DLEC1: variants seen among roughly 807,000 people sequenced by gnomAD.
DLEC1 encodes the protein deleted in lung and esophageal cancer protein 1.
Under a neutral mutation model 198.1 loss-of-function variants are expected in DLEC1, and 146 were observed. The observed-to-expected ratio is 0.74, with a 90% CI of 0.64 to 0.85. The LOEUF is 0.85. Ranked by LOEUF, DLEC1 falls within the 40% of genes least tolerant of loss-of-function variation. The pLI is 0.00. For synonymous variants in DLEC1, 897 were observed against 866.8 expected (o/e 1.03, Z -0.61); for missense variants, 2,233 against 2,220.0 (o/e 1.01, Z -0.12).
At chr3:38,108,309 TC>T in intron 20 of DLEC1, 95 bp from the exon 21 acceptor site, 1 of 1,038,172 alleles carries the variant, frequency 9.6e-7, no homozygotes. Flanking sequence ...TCTGCCAGTC[TC>T]CAGCATTGCA....
In DLEC1 at chr3:38,116,455, A is replaced by G. The variant is rs1559464011; in HGVS notation, c.3859A>G (p.Ile1287Val). 3.7e-6 allele frequency: 6 copies of G among 1,614,060 alleles called. No homozygotes were observed. The highest frequency in any genetic ancestry group is 5.1e-6 in the Non-Finnish European group (6 of 1,179,974). ...CCTGCTCCACACATCTGCCCCAGAC[A>G]TCCGCCTGGATTGGGAGACCTATGT... The part of the protein sequence containing the change: ...LRLNNSSPCD[I>V]RLDWETYVPE... Residue 1287 changes from isoleucine to valine, a missense_variant and splice_region_variant, in exon 28 of 37, where the codon ATC (isoleucine) becomes GTC (valine). Physicochemically the swap from Ile to Val is conservative, Grantham distance 29. Coordinates refer to ENST00000308059, the MANE Select transcript of DLEC1 (RefSeq NM_007335.4).
Position 38,100,432 on chromosome 3 carries a change from G to A in DLEC1, c.2864+7G>A, listed in dbSNP as rs781722201. On this transcript the variant is annotated splice_region_variant and intron_variant, in intron 19 of 36. Transcript: ENST00000308059. ...TGGAAAATGGTGCCTGGAGGTAAGG[G>A]TGCCGTGGGAAGAGCCACTACAACA... The A allele has an allele frequency of 6.2e-7, 1 of 1,608,572 alleles. No homozygotes were observed. The highest frequency in any genetic ancestry group is 8.5e-7 in the Non-Finnish European group (1 of 1,177,864).
chr3:38,087,180 G>A (rs181195311), intron 9 of DLEC1, among the ~76,000 whole-genome samples: 2 of 152,188 alleles, frequency 1.3e-5, no homozygotes, highest in African/African-American at 2.4e-5. Flanking sequence ...GAGCCTGTTG[G>A]CCAGGGCTGG....
chr3:38,110,353 G>C (rs1160471182), intron 23 of DLEC1, 72 bp downstream of exon 23: 1 of 1,560,270 alleles, frequency 6.4e-7, no homozygotes, highest in Non-Finnish European at 8.7e-7. Flanking sequence ...GCCTCTGTGT[G>C]GCTTAGGTGG....
At chr3:38,073,072 G>A (rs1179429794) in intron 6 of DLEC1, among the ~76,000 whole-genome samples, 1 of 152,230 alleles carries the variant, frequency 6.6e-6, no homozygotes, top group Non-Finnish European at 1.5e-5. Context: ...TGGGACTGAT[G>A]GGTGACAGGG....
At position 38,117,551 on chromosome 3, in the gene DLEC1, C is replaced by A. The variant is rs138294854; in HGVS notation, c.4425C>A (p.Gly1475=). 3 of 1,614,144 alleles carry A rather than the reference C, an allele frequency of 1.9e-6. No individual in the cohort carries two copies. The highest frequency in any genetic ancestry group is 2.5e-6 in the Non-Finnish European group (3 of 1,180,002). The stretch of plus-strand genomic sequence containing the variant: ...GGCTAAGTGTGGAGCTGGACTACGG[C>A]GGCAGTATGGAATTCCAGTGCCAGG... ...PAQLSVELDY[G]GSMEFQCQAS... Residue 1475 remains glycine, a synonymous_variant, in exon 32 of 37, where the codon GGC becomes GGA. Coordinates refer to ENST00000308059, the MANE Select transcript of DLEC1 (RefSeq NM_007335.4).
chr3:38,117,920 A>G lies in DLEC1; in HGVS notation c.4600A>G (p.Ser1534Gly). The G allele has an allele frequency of 6.2e-7, 1 of 1,614,176 alleles. No individual in the cohort carries two copies. Among genetic ancestry groups the G allele is most frequent in the Non-Finnish European group, 8.5e-7 (1 of 1,180,018 alleles). The stretch of plus-strand genomic sequence containing the variant: ...CTTCTCCGTTTCTCAAGATGGGGCG[A>G]GCCAGGACCACAGAGCTCCTGGCCC... ...RPFSVSQDGA[S>G]QDHRAPGPGQ... Residue 1534 changes from serine (S) to glycine (G), a missense_variant, in exon 33 of 37, where the codon AGC becomes GGC. Physicochemically the swap from Ser to Gly is moderately conservative, Grantham distance 56. Coordinates refer to ENST00000308059, the MANE Select transcript of DLEC1 (RefSeq NM_007335.4).
rs766434168 is a variant in DLEC1, at chr3:38,097,921, G to C, written c.2724+19G>C. 21 of 1,613,990 alleles carry C rather than the reference G, an allele frequency of 1.3e-5. No homozygotes were observed. The highest frequency in any genetic ancestry group is 9.9e-5 in the South Asian group (9 of 91,056). On this transcript the variant is annotated intron_variant, in intron 18 of 36. Transcript: ENST00000308059. Reference sequence around the variant, plus strand: ...TGAGGATGTAAGTCAGGCACTGCTGGTTCCTCTGGTGCCCCCACAATGAGC... The same window carrying C: ...TGAGGATGTAAGTCAGGCACTGCTGCTTCCTCTGGTGCCCCCACAATGAGC...
chr3:38,117,487 A>G lies in DLEC1; in HGVS notation c.4401-40A>G, dbSNP rs376341309. 9.3e-6 allele frequency: 15 copies of G among 1,613,066 alleles called. No individual in the cohort carries two copies. In the African/African-American group the frequency reaches 1.6e-4, roughly 17 times the overall value. On this transcript the variant is annotated intron_variant, in intron 31 of 36. Transcript: ENST00000308059. ...AGAGTGGGGGCAGCCAGAAGGCCCCAGGCGCCCGGCTTGCCCCAACAATGC... is the reference window on the plus strand; with the variant it reads ...AGAGTGGGGGCAGCCAGAAGGCCCCGGGCGCCCGGCTTGCCCCAACAATGC...
At chr3:38,053,279 C>A (rs1274736120) in intron 2 of DLEC1, among the ~76,000 whole-genome samples, 1 of 151,766 alleles carries the variant, frequency 6.6e-6, no homozygotes, top group African/African-American at 2.4e-5. Context: ...AGCCCCTCTG[C>A]CCGGCCGCCC....
intron 13 of DLEC1, 63 bp downstream of exon 13, chr3:38,095,134 G>A: frequency 6.3e-7 from 1 of 1,577,304 alleles, no homozygotes; most frequent in Non-Finnish European, 8.7e-7. Context: ...CCCCCCACCT[G>A]TGTTCCTCAA....
At chr3:38,087,926 A>T (rs1384990614) in intron 9 of DLEC1, among the ~76,000 whole-genome samples, 1 of 152,138 alleles carries the variant, frequency 6.6e-6, no homozygotes, top group African/African-American at 2.4e-5. Context: ...GGAAAAGGAC[A>T]ATGTGCTTTG....
chr3:38,060,040 C>T lies in DLEC1; in HGVS notation c.673+188C>T, dbSNP rs187491596. On this transcript the variant is annotated intron_variant, in intron 3 of 36. Transcript: ENST00000308059. ...TGCCAATTTCTTGCTAGTGCTCCCC[C>T]GCCTGTATGACTGAAGTCCAGGCTT... Among the ~76,000 whole-genome samples the T allele has an allele frequency of 5.3e-5, 8 of 152,290 alleles. No individual in the cohort carries two copies. In the East Asian group the frequency reaches 1.2e-3, roughly 22 times the overall value.
At chr3:38,075,321 TGTA>T (rs1697550008) in intron 6 of DLEC1, among the ~76,000 whole-genome samples, 1 of 152,118 alleles carries the variant, frequency 6.6e-6, no homozygotes, top group South Asian at 2.1e-4. Context: ...ATTTAGGTCT[TGTA>T]GGATGGAGAA....
rs190691318 is a variant in DLEC1 at position 38,096,528 on chromosome 3, C to T, written c.2172-41C>T. ...GCAGGGACACTCTAGGATGTGCTTC[C>T]AGGTGTGCCGGCTCCTAGCTAACGG... On this transcript the variant is annotated intron_variant, in intron 14 of 36. Coordinates refer to ENST00000308059, the MANE Select transcript of DLEC1 (RefSeq NM_007335.4). The T allele has an allele frequency of 4.0e-5, 64 of 1,587,522 alleles. No individual in the cohort carries two copies. The African/African-American group carries it at 8.4e-4, about 21-fold the overall frequency.
chr3:38,076,269 G>A (rs1355163662), intron 6 of DLEC1, among the ~76,000 whole-genome samples: 1 of 152,144 alleles, frequency 6.6e-6, no homozygotes. Context: ...TCGGTCTGAG[G>A]ACCTGAGGTC....
At chr3:38,084,392 AGTAGTAGTAGTGGTGGTG>A (rs1559429957) in intron 7 of DLEC1, 147 bp downstream of exon 7, 3 of 289,272 alleles carry the variant, frequency 1.0e-5, no homozygotes, top group East Asian at 3.2e-4. Context: ...TAGTAGTGGT[AGTAGTAGTAGTGGTGGTG>A]GTAGTAGTAG....
At chr3:38,067,616 G>A (rs1315282613) in intron 6 of DLEC1, among the ~76,000 whole-genome samples, 1 of 152,218 alleles carries the variant, frequency 6.6e-6, no homozygotes, top group Non-Finnish European at 1.5e-5. Context: ...TGTTGATGCT[G>A]TTGTAGATAG....
At chr3:38,070,545 T>C (rs1490707879) in intron 6 of DLEC1, among the ~76,000 whole-genome samples, 1 of 152,194 alleles carries the variant, frequency 6.6e-6, no homozygotes, top group Non-Finnish European at 1.5e-5. Context: ...GTGTGAGCAA[T>C]AAAAGCTTTT....
Sources: allele counts gnomAD v4.1 joint callset (sites outside exome capture counted in the v4.1 genomes callset), GRCh38; gene constraint gnomAD v4.1.1; transcripts MANE v1.5; gene names NCBI Gene and HGNC (gene_info 2026-07-23, HGNC 2026-07-21).